The following SLC15A1 variants were observed in gnomAD, a reference collection of about 807,000 sequenced individuals.
The protein encoded by SLC15A1 is solute carrier family 15 member 1.
A neutral mutation model predicts 92.9 loss-of-function variants in SLC15A1; 83 were observed. The ratio of observed to expected loss-of-function variants is 0.89; its 90% CI spans 0.75 to 1.07. The LOEUF is 1.07. Among genes scored for constraint, SLC15A1 ranks in the 50% least tolerant of loss-of-function variants. SLC15A1 has a pLI of 0.00. For missense variants in SLC15A1, 857 were observed against 880.1 expected (o/e 0.97, Z 0.33); for synonymous variants, 322 against 318.2 (o/e 1.01, Z -0.13).
In SLC15A1 at chr13:98,709,612, C is replaced by T. The variant is rs1350441394; in HGVS notation, c.1027G>A (p.Val343Met). ...IVIMVPIFDA[V>M]LYPLIAKCGF... ...CATTTTGCAATGAGAGGGTACAGCA[C>T]AGCATCGAAGATCGGGACCATGATC... The change falls in exon 14 of 23, where the codon GTG (valine) becomes ATG (methionine). Residue 343 changes from valine to methionine, a missense_variant. Val to Met is a conservative substitution (Grantham distance 21). Coordinates refer to ENST00000376503, the MANE Select transcript of SLC15A1 (RefSeq NM_005073.4). The T allele has an allele frequency of 3.8e-5, 62 of 1,614,196 alleles. No homozygotes were observed. The highest frequency in any genetic ancestry group is 5.2e-5 in the Non-Finnish European group (61 of 1,180,050).
At chr13:98,742,722 GC>G (rs1480824982) in intron 1 of SLC15A1, among the ~76,000 whole-genome samples, 1 of 152,090 alleles carries the variant, frequency 6.6e-6, no homozygotes, top group Admixed American at 6.5e-5. Flanking sequence ...TACTCACGTG[GC>G]GCTTGCCCTG....
intron 17 of SLC15A1, among the ~76,000 whole-genome samples, chr13:98,703,585 C>CTTGT (rs1222587521): frequency 4.2e-5 from 4 of 94,234 alleles, no homozygotes; most frequent in African/African-American, 1.9e-4. Flanking sequence ...GAGACAGGGT[C>CTTGT]TTGTTCTGTC....
intron 18 of SLC15A1, among the ~76,000 whole-genome samples, chr13:98,688,808 G>A (rs2087952985): frequency 6.6e-6 from 1 of 152,192 alleles, no homozygotes; most frequent in African/African-American, 2.4e-5. Context: ...TATATGTGCT[G>A]GTTACTGCTC....
In SLC15A1 at chr13:98,721,913, A is replaced by T; in HGVS notation, c.366-10T>A. The T allele has an allele frequency of 6.2e-7, 1 of 1,609,848 alleles. No homozygotes were observed. The highest frequency in any genetic ancestry group is 8.5e-7 in the Non-Finnish European group (1 of 1,177,206). Reference sequence around the variant, plus strand: ...GATCAAGGACAGCACCCTGGGAAAGACAGGGTGTTAGGGCCAACATGGCAG... The same window carrying T: ...GATCAAGGACAGCACCCTGGGAAAGTCAGGGTGTTAGGGCCAACATGGCAG... On this transcript the variant is annotated splice_polypyrimidine_tract_variant and intron_variant, in intron 5 of 22. Transcript: ENST00000376503.
chr13:98,710,633 C>G (rs969453045), intron 11 of SLC15A1, among the ~76,000 whole-genome samples: 3 of 151,744 alleles, frequency 2.0e-5, no homozygotes, highest in African/African-American at 4.8e-5. Flanking sequence ...CTGGTCAACA[C>G]AGCAGAACCC....
chr13:98,691,107 G>A (rs569952534), intron 18 of SLC15A1, among the ~76,000 whole-genome samples: 7 of 151,990 alleles, frequency 4.6e-5, no homozygotes, highest in East Asian at 3.9e-4. Context: ...GCAGTGGTGC[G>A]ATCTCGGCTC....
At chr13:98,706,353 C>A in intron 15 of SLC15A1, 100 bp from the exon 16 acceptor site, 1 of 1,371,818 alleles carries the variant, frequency 7.3e-7, no homozygotes, top group Non-Finnish European at 1.0e-6. Context: ...CTGGGAAAAG[C>A]TGCGCTGGCT....
At chr13:98,708,106 A>G (rs2088129002) in intron 15 of SLC15A1, among the ~76,000 whole-genome samples, 1 of 151,992 alleles carries the variant, frequency 6.6e-6, no homozygotes, top group African/African-American at 2.4e-5. Flanking sequence ...GGAGGGAAGG[A>G]ACGAGAGAAA....
intron 18 of SLC15A1, among the ~76,000 whole-genome samples, chr13:98,694,797 C>T (rs1593981471): frequency 6.6e-6 from 1 of 151,940 alleles, no homozygotes; most frequent in Admixed American, 6.6e-5. Flanking sequence ...GAAGCTGAGG[C>T]GGGTGGATCA....
intron 21 of SLC15A1, 148 bp from the exon 22 acceptor site, chr13:98,686,445 T>TTAAGTAACAAG: frequency 1.6e-6 from 1 of 641,164 alleles, no homozygotes. Context: ...GGATCATCAC[T>TTAAGTAACAAG]TAAGTAACAA....
At chr13:98,687,461 C>T (rs2087938002) in intron 21 of SLC15A1, 120 bp downstream of exon 21, 2 of 1,195,938 alleles carry the variant, frequency 1.7e-6, no homozygotes, top group Middle Eastern at 2.0e-4. Context: ...AGGGAAGATA[C>T]CATAATGCTT....
intron 8 of SLC15A1, among the ~76,000 whole-genome samples, chr13:98,716,443 G>C: frequency 6.6e-6 from 1 of 152,116 alleles, no homozygotes; most frequent in Non-Finnish European, 1.5e-5. Flanking sequence ...CCAACATGGT[G>C]AAAACCCGTC....
At chr13:98,734,275 T>C (rs572852101) in intron 1 of SLC15A1, among the ~76,000 whole-genome samples, 52 of 152,290 alleles carry the variant, frequency 3.4e-4, no homozygotes, top group African/African-American at 1.3e-3. Context: ...TTAGATCTGG[T>C]TATTTGAAAG....
rs1024772233 is a variant in SLC15A1, at chr13:98,684,176, G to A, written c.*548C>T. ...GGCTCACAGTACTCTAAGACAGTGT[G>A]TGTACGTGTGGCTTAAATAAGCCTT... On this transcript the variant is annotated 3_prime_UTR_variant, in exon 23 of 23. Transcript: ENST00000376503. 6.5e-6 allele frequency: 1 copy of A among 154,176 alleles called. No individual in the cohort carries two copies. The highest frequency in any genetic ancestry group is 2.4e-5 in the African/African-American group (1 of 41,448). 9.6% of individuals were successfully genotyped at this position (154,176 alleles called of 1,614,324 possible).
chr13:98,685,096 A>AAGAT (rs1305462053), intron 22 of SLC15A1, among the ~76,000 whole-genome samples, 181 bp from the exon 23 acceptor site: 1 of 152,232 alleles, frequency 6.6e-6, no homozygotes, highest in African/African-American at 2.4e-5. Context: ...TGGAATGCCC[A>AAGAT]AGATAGATAG....
Position 98,708,699 on chromosome 13 carries a change from T to C in SLC15A1, c.1136A>G (p.Gln379Arg), listed in dbSNP as rs2088135547. ...SMAFVVAAIV[Q>R]VEIDKTLPVF... ...GGGACAACTCACATCGATTTCCACC[T>C]GCACGATGGCAGCCACCACAAAGGC... is the stretch of plus-strand genomic sequence containing the variant. Residue 379 changes from glutamine to arginine, a missense_variant, in exon 15 of 23, where the codon CAG becomes CGG. Gln to Arg is a conservative substitution (Grantham distance 43). Transcript: ENST00000376503. The C allele has an allele frequency of 6.2e-7, 1 of 1,613,374 alleles. No homozygotes were observed. The highest frequency in any genetic ancestry group is 1.1e-5 in the South Asian group (1 of 90,956).
chr13:98,745,607 A>C (rs184798938), intron 1 of SLC15A1, among the ~76,000 whole-genome samples: 157 of 152,244 alleles, frequency 1.0e-3, no homozygotes, highest in African/African-American at 3.7e-3. Flanking sequence ...TCCGCAAGCC[A>C]AGGAATGCCA....
chr13:98,725,084 C>CCT, intron 4 of SLC15A1, among the ~76,000 whole-genome samples: 1 of 151,476 alleles, frequency 6.6e-6, no homozygotes, highest in Non-Finnish European at 1.5e-5. Context: ...ACACTTCCCT[C>CCT]CTCTCTCTCT....
At chr13:98,730,382 C>G (rs1205120922) in intron 1 of SLC15A1, among the ~76,000 whole-genome samples, 1 of 152,098 alleles carries the variant, frequency 6.6e-6, no homozygotes, top group Non-Finnish European at 1.5e-5. Context: ...CAGTTCCCAA[C>G]TCTTCCTGCC....
Sources: gnomAD v4.1 joint callset for allele counts (sites outside exome capture counted in the v4.1 genomes callset) on GRCh38, gnomAD v4.1.1 for gene constraint, MANE v1.5 for transcripts, NCBI Gene and HGNC (gene_info 2026-07-23, HGNC 2026-07-21) for gene names.